Variants in ROBO2 observed in about 807,000 individuals in gnomAD.
ROBO2 encodes the protein roundabout homolog 2.
ROBO2 carries 53 observed loss-of-function variants against 160.8 expected under a neutral mutation model. The observed-to-expected ratio is 0.33, with a 90% CI of 0.26 to 0.41. ROBO2 has a LOEUF of 0.41. Among genes scored for constraint, ROBO2 ranks in the 10% least tolerant of loss-of-function variants. ROBO2 has a pLI of 1.00. For missense variants in ROBO2, 1,577 were observed against 1,722.4 expected, an observed-to-expected ratio of 0.92 and a Z score of 1.49; for synonymous variants, 664 against 611.7, an observed-to-expected ratio of 1.09 and a Z score of -1.26.
chr3:76,300,890 A>G (rs1340399230), intron 2 of ROBO2, among the ~76,000 whole-genome samples: 1 of 152,068 alleles, frequency 6.6e-6, no homozygotes, highest in Non-Finnish European at 1.5e-5. Context: ...CACAGGACAA[A>G]TGAACTATAG....
intron 2 of ROBO2, among the ~76,000 whole-genome samples, chr3:76,770,315 T>C (rs938796443): frequency 6.6e-6 from 1 of 151,364 alleles, no homozygotes; most frequent in Admixed American, 6.6e-5. Flanking sequence ...TTTTTCATCA[T>C]AATTTCTCAG....
chr3:76,880,625 C>T (rs2073239995), intron 2 of ROBO2, among the ~76,000 whole-genome samples: 1 of 152,028 alleles, frequency 6.6e-6, no homozygotes, highest in African/African-American at 2.4e-5. Flanking sequence ...GGAATTTAGA[C>T]ATGATTTTAA....
At chr3:76,318,595 GT>G (rs1376512238) in intron 2 of ROBO2, among the ~76,000 whole-genome samples, 1 of 152,148 alleles carries the variant, frequency 6.6e-6, no homozygotes, top group African/African-American at 2.4e-5. Context: ...ATATATTAGT[GT>G]TGGGGTTCAT....
At chr3:76,857,223 G>A (rs1172717781) in intron 2 of ROBO2, among the ~76,000 whole-genome samples, 2 of 152,136 alleles carry the variant, frequency 1.3e-5, no homozygotes, top group African/African-American at 4.8e-5. Flanking sequence ...CTGACCTCGT[G>A]ATCCGCCCGC....
chr3:77,436,698 T>C (rs974403436), intron 2 of ROBO2, among the ~76,000 whole-genome samples: 4 of 151,858 alleles, frequency 2.6e-5, no homozygotes, highest in Non-Finnish European at 5.9e-5. Context: ...ATAATAATAA[T>C]AATATTTGGA....
chr3:76,314,741 A>G (rs1296635798), intron 2 of ROBO2, among the ~76,000 whole-genome samples: 1 of 152,182 alleles, frequency 6.6e-6, no homozygotes, highest in Non-Finnish European at 1.5e-5. Flanking sequence ...TATATAATAC[A>G]TATAACATAT....
chr3:77,587,130 G>A (rs1271566759), intron 16 of ROBO2, among the ~76,000 whole-genome samples: 2 of 152,030 alleles, frequency 1.3e-5, no homozygotes, highest in Non-Finnish European at 1.5e-5. Flanking sequence ...ACTCCATACC[G>A]TTATTCAGGG....
Position 76,209,686 on chromosome 3 carries a change from G to T in ROBO2, c.109+272084G>T, listed in dbSNP as rs147725641. The stretch of plus-strand genomic sequence containing the variant: ...ATTCTAGGCATAGGATGTAATTCTT[G>T]TACAAAGATGTAATAAATATAGCAG... On this transcript the variant is annotated intron_variant, in intron 2 of 26. Transcript: ENST00000487694. Among the ~76,000 whole-genome samples the T allele has an allele frequency of 9.1e-4, 139 of 152,158 alleles. 4 individuals carry two copies. The East Asian group carries it at 0.025, about 27-fold the overall frequency.
chr3:76,326,159 C>T (rs979705170), intron 2 of ROBO2, among the ~76,000 whole-genome samples: 4 of 152,046 alleles, frequency 2.6e-5, no homozygotes, highest in Non-Finnish European at 5.9e-5. Context: ...ATTATCATAG[C>T]GTGTTGGCAG....
intron 2 of ROBO2, among the ~76,000 whole-genome samples, chr3:76,231,245 T>A (rs545206889): frequency 2.0e-5 from 3 of 152,318 alleles, no homozygotes; most frequent in Admixed American, 2.0e-4. Flanking sequence ...AGAGCAATTA[T>A]AACCGTTTCT....
intron 2 of ROBO2, among the ~76,000 whole-genome samples, chr3:76,719,367 C>G (rs2093430088): frequency 6.6e-6 from 1 of 152,110 alleles, no homozygotes. Context: ...AATAGGGTGT[C>G]ACTCTCATCC....
chr3:77,276,006 T>C (rs1183451685), intron 2 of ROBO2, among the ~76,000 whole-genome samples: 1 of 152,170 alleles, frequency 6.6e-6, no homozygotes, highest in Non-Finnish European at 1.5e-5. Context: ...GAAAGTATGC[T>C]ATGAGTTTAG....
chr3:76,400,209 A>G (rs1405299167), intron 2 of ROBO2, among the ~76,000 whole-genome samples: 1 of 151,644 alleles, frequency 6.6e-6, no homozygotes, highest in African/African-American at 2.4e-5. Context: ...CATTGAAGCA[A>G]TATCTTAAGA....
intron 2 of ROBO2, among the ~76,000 whole-genome samples, chr3:77,168,342 G>T (rs2079296221): frequency 6.6e-6 from 1 of 152,182 alleles, no homozygotes; most frequent in East Asian, 1.9e-4. Flanking sequence ...AGTTAAAAAT[G>T]AATGTCACTG....
chr3:76,281,264 C>T lies in ROBO2; in HGVS notation c.109+343662C>T, dbSNP rs571777127. Among the ~76,000 whole-genome samples the T allele has an allele frequency of 7.2e-5, 11 of 151,766 alleles. No homozygotes were observed. The South Asian group carries it at 1.0e-3, about 14-fold the overall frequency. ...AGAGCATATTTTCAATGGTTCTTAA[C>T]GATCTGGGGAAATTTTGATGACATA... On this transcript the variant is annotated intron_variant, in intron 2 of 26. Coordinates refer to the ROBO2 transcript ENST00000487694.
intron 20 of ROBO2, among the ~76,000 whole-genome samples, chr3:77,605,272 A>G (rs976086107): frequency 6.6e-6 from 1 of 151,876 alleles, no homozygotes; most frequent in African/African-American, 2.4e-5. Flanking sequence ...CCCTTAAAAG[A>G]TAATATAAGA....
At chr3:77,040,481 G>A (rs1332037904) in exon 1 of ROBO2, 1 of 1,222,878 alleles carries the variant, frequency 8.2e-7, no homozygotes, top group Non-Finnish European at 1.0e-6. Context: ...CCTAAGGAGA[G>A]AGGGTTAGAC....
intron 2 of ROBO2, among the ~76,000 whole-genome samples, chr3:76,472,519 C>G (rs1352873763): frequency 6.6e-6 from 1 of 152,092 alleles, no homozygotes; most frequent in African/African-American, 2.4e-5. Context: ...GTGCATTTCT[C>G]CAGCCACGAC....
chr3:76,748,458 G>GTTAT (rs2093928051), intron 2 of ROBO2, among the ~76,000 whole-genome samples: 1 of 151,226 alleles, frequency 6.6e-6, no homozygotes, highest in Admixed American at 6.6e-5. Context: ...AAAAACAACT[G>GTTAT]GTACTGTATA....
Sources: allele counts gnomAD v4.1 joint callset (sites outside exome capture counted in the v4.1 genomes callset), GRCh38; gene constraint gnomAD v4.1.1; transcripts MANE v1.5; gene names NCBI Gene and HGNC (gene_info 2026-07-23, HGNC 2026-07-21).